SKAP2: variants seen among roughly 807,000 people sequenced by gnomAD.
SKAP2 encodes src kinase-associated phosphoprotein 2.
In SKAP2, 28 loss-of-function variants were observed where a neutral mutation model predicts 54.9. That is an observed-to-expected ratio of 0.51 (90% CI 0.38 to 0.70). The LOEUF is 0.70. Ranked by LOEUF, SKAP2 falls within the 30% of genes least tolerant of loss-of-function variation. The pLI, the probability that SKAP2 is intolerant of heterozygous loss-of-function variation, is 0.00. For synonymous variants in SKAP2, 137 were observed against 134.3 expected (o/e 1.02, Z -0.14); for missense variants, 356 against 424.1 (o/e 0.84, Z 1.41).
At chr7:26,795,277 A>G (rs1328782627) in intron 4 of SKAP2, among the ~76,000 whole-genome samples, 1 of 152,198 alleles carries the variant, frequency 6.6e-6, no homozygotes, top group East Asian at 1.9e-4. Context: ...AATGTGAAAG[A>G]TCCAGATGTT....
intron 4 of SKAP2, among the ~76,000 whole-genome samples, chr7:26,752,494 T>C (rs1167942937): frequency 1.3e-5 from 2 of 152,156 alleles, no homozygotes; most frequent in Non-Finnish European, 2.9e-5. Context: ...AAAAGCTTTG[T>C]TAAACTCAAG....
chr7:26,842,647 A>G (rs1784840639), intron 4 of SKAP2, among the ~76,000 whole-genome samples: 1 of 150,098 alleles, frequency 6.7e-6, no homozygotes, highest in Non-Finnish European at 1.5e-5. Context: ...GTATACACAC[A>G]TACATTCATA....
intron 10 of SKAP2, among the ~76,000 whole-genome samples, chr7:26,686,261 T>G (rs116346680): frequency 0.033 from 5,043 of 152,230 alleles, 265 homozygotes; most frequent in African/African-American, 0.11. Context: ...CTAGAAAATA[T>G]ACAACCTAGT....
At chr7:26,780,798 T>C (rs1783408627) in intron 4 of SKAP2, among the ~76,000 whole-genome samples, 1 of 152,020 alleles carries the variant, frequency 6.6e-6, no homozygotes, top group Non-Finnish European at 1.5e-5. Flanking sequence ...AAAAGCAAAA[T>C]TTATTTTCAC....
intron 11 of SKAP2, among the ~76,000 whole-genome samples, chr7:26,683,496 T>C (rs1013472710): frequency 2.0e-5 from 3 of 150,306 alleles, no homozygotes; most frequent in Non-Finnish European, 4.4e-5. Context: ...GTTGTCAGAG[T>C]GGGTCCTGGC....
rs188990912 is a variant in SKAP2 at position 26,837,719 on chromosome 7, C to T, written c.307+6311G>A. ...GTGGAGACAGATTTAGCGTTTCTAA[C>T]AAGCTCCCAGATGATGCTGATACTG... is the stretch of plus-strand genomic sequence containing the variant. On this transcript the variant is annotated intron_variant, in intron 4 of 12. Transcript: ENST00000345317. Among the ~76,000 whole-genome samples the T allele has an allele frequency of 1.8e-4, 28 of 152,144 alleles. No individual in the cohort carries two copies. In the East Asian group the frequency reaches 5.0e-3, roughly 27 times the overall value.
At chr7:26,760,832 CA>C (rs1370339246) in intron 4 of SKAP2, among the ~76,000 whole-genome samples, 2 of 151,582 alleles carry the variant, frequency 1.3e-5, no homozygotes, top group Admixed American at 1.3e-4. Flanking sequence ...AAAGGAAGGC[CA>C]AAAAGAAACA....
At chr7:26,850,961 T>A (rs1305356203) in intron 3 of SKAP2, among the ~76,000 whole-genome samples, 2 of 151,912 alleles carry the variant, frequency 1.3e-5, no homozygotes, top group Non-Finnish European at 2.9e-5. Context: ...AAGTGAAAAA[T>A]TAGCCTAATA....
the SKAP2 span, among the ~76,000 whole-genome samples, chr7:26,661,766 T>C: frequency 6.6e-6 from 1 of 152,166 alleles, no homozygotes; most frequent in Non-Finnish European, 1.5e-5. Context: ...CAATGCTGAG[T>C]ATCAACATTT....
chr7:26,746,568 T>A (rs998630370), intron 4 of SKAP2: 3 of 151,236 alleles, frequency 2.0e-5, no homozygotes, highest in African/African-American at 7.3e-5. Flanking sequence ...GACTTCGAAA[T>A]CCATGGCACA....
At chr7:26,673,410 C>T (rs1786282701) in intron 11 of SKAP2, among the ~76,000 whole-genome samples, 1 of 151,984 alleles carries the variant, frequency 6.6e-6, no homozygotes. Flanking sequence ...TAATTATTTT[C>T]TATTAATCAT....
At chr7:26,656,699 G>A in the SKAP2 span, among the ~76,000 whole-genome samples, 4 of 152,220 alleles carry the variant, frequency 2.6e-5, no homozygotes, top group South Asian at 8.3e-4. Flanking sequence ...GGACAGTAAA[G>A]AGCAGGTAAC....
At chr7:26,858,665 G>A (rs913307532) in intron 1 of SKAP2, among the ~76,000 whole-genome samples, 2 of 152,086 alleles carry the variant, frequency 1.3e-5, no homozygotes, top group South Asian at 2.1e-4. Flanking sequence ...CCCTGGAGTC[G>A]CAAGTGGTTG....
chr7:26,814,445 T>C (rs1379364611), intron 4 of SKAP2, among the ~76,000 whole-genome samples: 2 of 152,064 alleles, frequency 1.3e-5, no homozygotes, highest in Non-Finnish European at 2.9e-5. Flanking sequence ...AATTTAGCTG[T>C]ATATTTTATC....
At chr7:26,740,949 T>C (rs1156511335) in intron 4 of SKAP2, among the ~76,000 whole-genome samples, 1 of 151,622 alleles carries the variant, frequency 6.6e-6, no homozygotes, top group African/African-American at 2.4e-5. Context: ...GATCACGCCA[T>C]TGCAATCCAG....
At chr7:26,804,278 T>G (rs1004192935) in intron 4 of SKAP2, among the ~76,000 whole-genome samples, 1 of 152,108 alleles carries the variant, frequency 6.6e-6, no homozygotes, top group Admixed American at 6.5e-5. Flanking sequence ...AAAAATAATT[T>G]TAAAAAAATT....
chr7:26,863,319 AATAAGCAATCTGTAATCTAGTTATTC>A (rs1274904769), intron 1 of SKAP2, among the ~76,000 whole-genome samples: 3 of 152,200 alleles, frequency 2.0e-5, no homozygotes, highest in Non-Finnish European at 4.4e-5. Context: ...TAAGAGCTAG[AATAAGCAATCTGTAATCTAGTTATTC>A]ATAAGCAATA....
At chr7:26,729,643 A>T (rs1473524087) in intron 6 of SKAP2, among the ~76,000 whole-genome samples, 1 of 152,124 alleles carries the variant, frequency 6.6e-6, no homozygotes, top group Non-Finnish European at 1.5e-5. Context: ...TAGAACTAAC[A>T]TTGTGGAAAA....
intron 4 of SKAP2, among the ~76,000 whole-genome samples, chr7:26,787,173 C>T (rs1266382347): frequency 5.9e-5 from 9 of 152,272 alleles, no homozygotes; most frequent in African/African-American, 1.9e-4. Flanking sequence ...GACTTTTAAC[C>T]ACCAGTATTA....
Sources: allele counts gnomAD v4.1 joint callset (sites outside exome capture counted in the v4.1 genomes callset), GRCh38; gene constraint gnomAD v4.1.1; transcripts MANE v1.5; gene names NCBI Gene and HGNC (gene_info 2026-07-23, HGNC 2026-07-21).